PLXDC2: variants seen among roughly 807,000 people sequenced by gnomAD.
PLXDC2 encodes the protein plexin domain-containing protein 2.
Under a neutral mutation model 68.9 loss-of-function variants are expected in PLXDC2, and 40 were observed. The ratio of observed to expected loss-of-function variants is 0.58; its 90% CI spans 0.45 to 0.76. PLXDC2 has a LOEUF of 0.76. PLXDC2 is among the 30% of genes least tolerant of loss of function. The probability of loss-of-function intolerance (pLI) is 0.00; values close to 1 mark genes in which losing one functional copy is unlikely to be tolerated. For synonymous variants in PLXDC2, 243 were observed against 234.2 expected, an observed-to-expected ratio of 1.04 and a Z score of -0.34; for missense variants, 644 against 661.9, an observed-to-expected ratio of 0.97 and a Z score of 0.30.
intron 1 of PLXDC2, among the ~76,000 whole-genome samples, chr10:19,895,855 G>A (rs1395124067): frequency 6.6e-6 from 1 of 152,120 alleles, no homozygotes; most frequent in Non-Finnish European, 1.5e-5. Flanking sequence ...AGGAGTTTGA[G>A]GGTGCAGTGA....
intron 4 of PLXDC2, among the ~76,000 whole-genome samples, chr10:20,085,618 G>T (rs1386496999): frequency 6.6e-6 from 1 of 152,060 alleles, no homozygotes; most frequent in Non-Finnish European, 1.5e-5. Context: ...GATTTGATTT[G>T]GGGAGACATG....
chr10:20,161,587 C>A (rs1705005812), intron 6 of PLXDC2, among the ~76,000 whole-genome samples: 1 of 151,482 alleles, frequency 6.6e-6, no homozygotes, highest in African/African-American at 2.4e-5. Context: ...TGCAATCAAC[C>A]CACCACCAAT....
At chr10:20,276,074 A>C (rs936568847) in intron 13 of PLXDC2, among the ~76,000 whole-genome samples, 1 of 152,196 alleles carries the variant, frequency 6.6e-6, no homozygotes, top group South Asian at 2.1e-4. Flanking sequence ...CTATTCCCTC[A>C]CTGTTCATGG....
chr10:20,226,402 C>T (rs1835287885), intron 12 of PLXDC2, among the ~76,000 whole-genome samples: 2 of 152,198 alleles, frequency 1.3e-5, no homozygotes, highest in Admixed American at 6.6e-5. Context: ...AAATATTGGA[C>T]ACCCCTGATT....
At chr10:20,116,634 C>T (rs914135370) in intron 4 of PLXDC2, among the ~76,000 whole-genome samples, 1 of 152,054 alleles carries the variant, frequency 6.6e-6, no homozygotes, top group African/African-American at 2.4e-5. Context: ...TATTTGGATA[C>T]CTACAGATTG....
chr10:20,256,811 A>G (rs1835748695), intron 13 of PLXDC2, among the ~76,000 whole-genome samples: 1 of 152,224 alleles, frequency 6.6e-6, no homozygotes, highest in African/African-American at 2.4e-5. Context: ...GATACTGAAC[A>G]TTGAATTTAG....
intron 12 of PLXDC2, among the ~76,000 whole-genome samples, chr10:20,242,158 G>T (rs985724600): frequency 1.3e-5 from 2 of 152,078 alleles, no homozygotes; most frequent in African/African-American, 4.8e-5. Context: ...AGAGCACTGT[G>T]TCATACTCTT....
intron 1 of PLXDC2, among the ~76,000 whole-genome samples, chr10:19,977,141 G>C (rs940175757): frequency 1.3e-5 from 2 of 152,134 alleles, no homozygotes; most frequent in Non-Finnish European, 2.9e-5. Flanking sequence ...GTCCTTGGCT[G>C]TTTGCTCGTA....
intron 1 of PLXDC2, among the ~76,000 whole-genome samples, chr10:19,847,829 T>C (rs1295069131): frequency 6.6e-6 from 1 of 152,196 alleles, no homozygotes; most frequent in Non-Finnish European, 1.5e-5. Context: ...GATGGGTAAC[T>C]GATGGTTACA....
chr10:20,076,065 T>A (rs2131715407), intron 4 of PLXDC2, among the ~76,000 whole-genome samples: 1 of 152,292 alleles, frequency 6.6e-6, no homozygotes, highest in South Asian at 2.1e-4. Context: ...ACACAGATCC[T>A]GAAATACATC....
rs1172269721 is a variant in PLXDC2 at position 20,289,538 on chromosome 10, G to A, written c.*9719G>A. The A allele has an allele frequency of 6.6e-6, 1 of 152,128 alleles. No individual in the cohort carries two copies. The allele number at this position is 152,128 out of a possible 1,614,324, so 9.4% of individuals were successfully genotyped here. ...CTGTATCTAATTCTCAGGATATTTT[G>A]GATGTGTGCCTCAGGTAATTTATGT... On this transcript the variant is annotated 3_prime_UTR_variant, in exon 14 of 14. Transcript: ENST00000377252.
intron 4 of PLXDC2, among the ~76,000 whole-genome samples, chr10:20,082,236 A>G: frequency 6.6e-6 from 1 of 151,892 alleles, no homozygotes; most frequent in South Asian, 2.1e-4. Flanking sequence ...CTAATTATAT[A>G]TCAATATTCA....
At chr10:19,837,399 AGAGAGAGAGAGT>A (rs1398946572) in intron 1 of PLXDC2, among the ~76,000 whole-genome samples, 97 of 107,896 alleles carry the variant, frequency 9.0e-4, no homozygotes, top group Middle Eastern at 4.6e-3. Context: ...AGAGAGAGAG[AGAGAGAGAGAGT>A]GTGTGTGTGT....
chr10:19,845,778 T>C (rs1836997110), intron 1 of PLXDC2, among the ~76,000 whole-genome samples: 2 of 152,288 alleles, frequency 1.3e-5, no homozygotes, highest in South Asian at 4.1e-4. Flanking sequence ...AGGCAGTTCA[T>C]GCAGAAATTT....
intron 9 of PLXDC2, among the ~76,000 whole-genome samples, chr10:20,189,028 A>AATACAGTGAGGTATGATGT (rs761286649): frequency 7.6e-6 from 1 of 131,672 alleles, no homozygotes. Flanking sequence ...TCAAATTTTA[A>AATACAGTGAGGTATGATGT]TGAAGAATCT....
At chr10:20,218,590 T>G (rs966916254) in intron 11 of PLXDC2, among the ~76,000 whole-genome samples, 6 of 152,140 alleles carry the variant, frequency 3.9e-5, no homozygotes, top group Non-Finnish European at 1.5e-5. Flanking sequence ...TCTCTTTATA[T>G]AGAATTTTGG....
intron 1 of PLXDC2, among the ~76,000 whole-genome samples, chr10:19,923,976 A>G (rs1324620432): frequency 1.3e-5 from 2 of 152,102 alleles, no homozygotes; most frequent in Non-Finnish European, 2.9e-5. Flanking sequence ...AAGGGGAAGG[A>G]TTGCTTGAGC....
intron 1 of PLXDC2, among the ~76,000 whole-genome samples, chr10:19,850,122 A>G (rs1310307742): frequency 6.6e-6 from 1 of 152,166 alleles, no homozygotes; most frequent in Non-Finnish European, 1.5e-5. Flanking sequence ...AAAGAGAGCA[A>G]TGGTCAGGAG....
intron 3 of PLXDC2, among the ~76,000 whole-genome samples, chr10:20,051,422 A>G (rs1388154907): frequency 1.1e-5 from 1 of 87,310 alleles, no homozygotes; most frequent in Admixed American, 9.7e-5. Flanking sequence ...ATATATATAT[A>G]TATATATATA....
Sources: allele counts gnomAD v4.1 joint callset (sites outside exome capture counted in the v4.1 genomes callset), GRCh38; gene constraint gnomAD v4.1.1; transcripts MANE v1.5; gene names NCBI Gene and HGNC (gene_info 2026-07-23, HGNC 2026-07-21).